Variants in ZFAND3 observed in about 807,000 individuals in gnomAD.
ZFAND3 encodes zinc finger AN1-type containing 3, also known as AN1-type zinc finger protein 3.
A neutral mutation model predicts 29.6 loss-of-function variants in ZFAND3; 10 were observed. The observed-to-expected ratio is 0.34, with a 90% CI of 0.21 to 0.57. ZFAND3 has a LOEUF of 0.57. ZFAND3 is among the 20% of genes least tolerant of loss of function. ZFAND3 has a pLI of 0.86. For synonymous variants in ZFAND3, 128 were observed against 112.6 expected, an observed-to-expected ratio of 1.14 and a Z score of -0.87; for missense variants, 230 against 304.5, an observed-to-expected ratio of 0.76 and a Z score of 1.82.
At chr6:38,044,656 C>T (rs1051507360) in intron 2 of ZFAND3, among the ~76,000 whole-genome samples, 1 of 152,158 alleles carries the variant, frequency 6.6e-6, no homozygotes, top group Non-Finnish European at 1.5e-5. Context: ...TGGGAATGTG[C>T]TGCAGCCTTT....
rs1764285190 is a variant in ZFAND3, at chr6:37,851,698, T to C, written c.71+31682T>C. ...TCAAGAATGAAAGGCAGTATATGTATAGAAGTAAAGATTTCTGTCCAAGAG... is the reference window on the plus strand; with the variant it reads ...TCAAGAATGAAAGGCAGTATATGTACAGAAGTAAAGATTTCTGTCCAAGAG... On this transcript the variant is annotated intron_variant, in intron 1 of 5. Transcript: ENST00000287218. Among the ~76,000 whole-genome samples, 3 of 152,218 alleles carry C rather than the reference T, an allele frequency of 2.0e-5. 1 individual carries two copies. The South Asian group carries it at 6.2e-4, about 31-fold the overall frequency.
chr6:38,127,898 G>C (rs1296357653), intron 5 of ZFAND3, among the ~76,000 whole-genome samples: 3 of 152,150 alleles, frequency 2.0e-5, no homozygotes, highest in African/African-American at 7.2e-5. Context: ...CACACTCACT[G>C]TACCTCCCTG....
intron 4 of ZFAND3, among the ~76,000 whole-genome samples, chr6:38,083,448 G>A (rs537211667): frequency 3.7e-4 from 57 of 152,054 alleles, no homozygotes; most frequent in Non-Finnish European, 4.6e-4. Context: ...AGCTCCACTA[G>A]GTAGAGTAGA....
At chr6:38,082,316 T>C in intron 3 of ZFAND3, 76 bp from the exon 4 acceptor site, 2 of 1,310,182 alleles carry the variant, frequency 1.5e-6, no homozygotes, top group Admixed American at 2.3e-5. Flanking sequence ...TTAAAGTTTC[T>C]CTTTACTCAG....
intron 4 of ZFAND3, among the ~76,000 whole-genome samples, chr6:38,108,276 T>C (rs1765246578): frequency 6.6e-6 from 1 of 152,176 alleles, no homozygotes; most frequent in Non-Finnish European, 1.5e-5. Context: ...GCGAGTGTAT[T>C]AGGATTCTTC....
intron 2 of ZFAND3, among the ~76,000 whole-genome samples, chr6:37,983,038 AAAG>A (rs1762606067): frequency 1.3e-5 from 2 of 152,256 alleles, no homozygotes; most frequent in Admixed American, 1.3e-4. Flanking sequence ...ATAAGGATAT[AAAG>A]AAAATATTTT....
intron 2 of ZFAND3, among the ~76,000 whole-genome samples, chr6:37,936,169 G>A (rs1392011369): frequency 1.3e-5 from 2 of 152,172 alleles, no homozygotes; most frequent in African/African-American, 2.4e-5. Context: ...AAATAGAAGT[G>A]TGGATGGCAG....
At chr6:38,037,752 T>C (rs1233609955) in intron 2 of ZFAND3, among the ~76,000 whole-genome samples, 1 of 152,198 alleles carries the variant, frequency 6.6e-6, no homozygotes, top group Non-Finnish European at 1.5e-5. Context: ...ACCTTTATCA[T>C]TCTAATGAAA....
At chr6:37,898,704 A>G (rs963165274) in intron 1 of ZFAND3, among the ~76,000 whole-genome samples, 2 of 152,220 alleles carry the variant, frequency 1.3e-5, no homozygotes, top group Non-Finnish European at 2.9e-5. Flanking sequence ...ATCTTTTGAT[A>G]TAAGTACTAT....
intron 1 of ZFAND3, among the ~76,000 whole-genome samples, chr6:37,830,776 A>G (rs536844911): frequency 6.6e-6 from 1 of 151,920 alleles, no homozygotes; most frequent in South Asian, 2.1e-4. Flanking sequence ...GGGGAATTCA[A>G]CAGTCTTGCC....
At chr6:37,962,075 C>G (rs2127424873) in intron 2 of ZFAND3, among the ~76,000 whole-genome samples, 1 of 152,226 alleles carries the variant, frequency 6.6e-6, no homozygotes, top group Admixed American at 6.5e-5. Flanking sequence ...ACAGAGAATT[C>G]AAAACATCTG....
intron 2 of ZFAND3, among the ~76,000 whole-genome samples, chr6:38,056,981 A>AG (rs1764144783): frequency 6.6e-6 from 1 of 152,222 alleles, no homozygotes; most frequent in Non-Finnish European, 1.5e-5. Flanking sequence ...AACCTCTCTC[A>AG]GGCTGACAAC....
chr6:37,912,528 T>G (rs559310336), intron 1 of ZFAND3, among the ~76,000 whole-genome samples: 1 of 152,294 alleles, frequency 6.6e-6, no homozygotes, highest in Admixed American at 6.5e-5. Context: ...CCCAAAGTGC[T>G]GAGAAAAACC....
intron 5 of ZFAND3, among the ~76,000 whole-genome samples, chr6:38,127,449 G>T (rs535464428): frequency 6.6e-6 from 1 of 152,176 alleles, no homozygotes; most frequent in Admixed American, 6.5e-5. Flanking sequence ...TGTCACGCGT[G>T]TGTCTAGCTA....
intron 2 of ZFAND3, among the ~76,000 whole-genome samples, chr6:38,018,007 C>T (rs1022686873): frequency 1.3e-5 from 2 of 152,142 alleles, no homozygotes; most frequent in African/African-American, 2.4e-5. Context: ...TGAGGATCAG[C>T]TCCCTTTTGC....
chr6:37,878,427 A>C (rs1045224302), intron 1 of ZFAND3, among the ~76,000 whole-genome samples: 1 of 151,916 alleles, frequency 6.6e-6, no homozygotes, highest in African/African-American at 2.4e-5. Context: ...CCAGCGCTTG[A>C]TGTAGCTCTG....
chr6:38,073,880 G>A (rs753569940), intron 3 of ZFAND3, among the ~76,000 whole-genome samples: 2 of 152,146 alleles, frequency 1.3e-5, no homozygotes, highest in African/African-American at 2.4e-5. Context: ...TAGCAGAAAT[G>A]GAATGTCTTG....
intron 5 of ZFAND3, among the ~76,000 whole-genome samples, chr6:38,147,398 C>T (rs1766132389): frequency 6.6e-6 from 1 of 152,230 alleles, no homozygotes; most frequent in South Asian, 2.1e-4. Flanking sequence ...CCTTGATGGA[C>T]ACTGAGGTTG....
At chr6:37,823,747 A>G (rs1274054060) in intron 1 of ZFAND3, among the ~76,000 whole-genome samples, 1 of 152,028 alleles carries the variant, frequency 6.6e-6, no homozygotes. Context: ...TAACCAGTTG[A>G]TGATAAAGTT....
Sources: allele counts gnomAD v4.1 joint callset (sites outside exome capture counted in the v4.1 genomes callset), GRCh38; gene constraint gnomAD v4.1.1; transcripts MANE v1.5; gene names NCBI Gene and HGNC (gene_info 2026-07-23, HGNC 2026-07-21).